The following CRIM1 variants were observed in gnomAD, a reference collection of about 807,000 sequenced individuals.
CRIM1 encodes cysteine rich transmembrane BMP regulator 1.
In CRIM1, 32 loss-of-function variants were observed where a neutral mutation model predicts 116.4. The ratio of observed to expected loss-of-function variants is 0.27; its 90% CI spans 0.21 to 0.37. CRIM1 has a LOEUF of 0.37. Among genes scored for constraint, CRIM1 ranks in the 10% least tolerant of loss-of-function variants. The pLI is 1.00. For synonymous variants in CRIM1, 590 were observed against 509.2 expected (o/e 1.16, Z -2.13); for missense variants, 1,331 against 1,354.8 (o/e 0.98, Z 0.28).
At chr2:36,409,837 C>T (rs1311227693) in intron 2 of CRIM1, among the ~76,000 whole-genome samples, 2 of 152,130 alleles carry the variant, frequency 1.3e-5, no homozygotes, top group Non-Finnish European at 2.9e-5. Context: ...AAGAAGCATT[C>T]TAATAATAAA....
intron 4 of CRIM1, among the ~76,000 whole-genome samples, chr2:36,446,834 A>T (rs1676279323): frequency 6.6e-6 from 1 of 152,212 alleles, no homozygotes; most frequent in Admixed American, 6.5e-5. Flanking sequence ...AAAAGGGAAA[A>T]TGGGACTGTC....
chr2:36,510,068 C>G lies in CRIM1; in HGVS notation c.1587C>G (p.Ile529Met), dbSNP rs79366315. 3.2e-4 allele frequency: 511 copies of G among 1,614,196 alleles called. 1 individual carries two copies. In the African/African-American group the frequency reaches 6.2e-3, roughly 20 times the overall value. Reference sequence around the variant, plus strand: ...TTACTGATGCCCAAAACTGTGAGATCTGTGAGTGCCGCCCAAGGCCCAAGA... The same window carrying G: ...TTACTGATGCCCAAAACTGTGAGATGTGTGAGTGCCGCCCAAGGCCCAAGA... ...GFLTDAQNCE[I>M]CECRPRPKKC... Residue 529 changes from isoleucine to methionine, a missense_variant, in exon 9 of 17, where the codon ATC (isoleucine) becomes ATG (methionine). By Grantham distance (10) the Ile-to-Met change is conservative. Coordinates refer to ENST00000280527, the MANE Select transcript of CRIM1 (RefSeq NM_016441.3).
intron 2 of CRIM1, among the ~76,000 whole-genome samples, chr2:36,412,364 A>C: frequency 6.6e-6 from 1 of 152,162 alleles, no homozygotes; most frequent in Non-Finnish European, 1.5e-5. Context: ...TCTGCGTTTA[A>C]CCCATTCTTG....
intron 13 of CRIM1, among the ~76,000 whole-genome samples, chr2:36,535,949 A>G (rs1666516747): frequency 6.6e-6 from 1 of 152,228 alleles, no homozygotes; most frequent in South Asian, 2.1e-4. Flanking sequence ...GCTGTTTTAT[A>G]TTAGGGACTT....
chr2:36,394,932 A>G (rs10203010), intron 1 of CRIM1, among the ~76,000 whole-genome samples: 111,509 of 151,484 alleles, frequency 0.74, 42,048 homozygotes, highest in East Asian at 0.99. Flanking sequence ...GCAGACTTTT[A>G]CTTCACTTAC....
chr2:36,472,755 C>T (rs926578030), intron 5 of CRIM1, among the ~76,000 whole-genome samples: 3 of 151,982 alleles, frequency 2.0e-5, no homozygotes, highest in African/African-American at 4.8e-5. Context: ...TGTTAGAGTA[C>T]AGTATTTTGC....
At position 36,479,608 on chromosome 2, in the gene CRIM1, G is replaced by A; in HGVS notation, c.1286G>A (p.Gly429Asp). The A allele has an allele frequency of 6.2e-7, 1 of 1,614,220 alleles. No homozygotes were observed. The highest frequency in any genetic ancestry group is 1.1e-5 in the South Asian group (1 of 91,088). Reference protein sequence around the residue: ...DDCTFCQCVNGERHCVATVCG... With the variant: ...DDCTFCQCVNDERHCVATVCG... ...TGCACATTCTGCCAGTGCGTCAACG[G>A]TGAACGCCACTGCGTTGCGACCGTC... is the stretch of plus-strand genomic sequence containing the variant. Residue 429 changes from glycine (G) to aspartate (D), a missense_variant, in exon 7 of 17, where the codon GGT becomes GAT. Physicochemically the swap from Gly to Asp is moderately conservative, Grantham distance 94 (BLOSUM62 -1). Around this residue, in one of 3 missense-constraint regions of CRIM1, gnomAD observed 690 missense variants for 676.0 expected, o/e 1.02. Transcript: ENST00000280527.
At chr2:36,378,363 G>T (rs775559371) in intron 1 of CRIM1, 3 of 470,986 alleles carry the variant, frequency 6.4e-6, no homozygotes, top group Middle Eastern at 3.2e-4. Flanking sequence ...CTAGCTGCGG[G>T]GTATTGAATT....
intron 1 of CRIM1, among the ~76,000 whole-genome samples, chr2:36,386,591 C>T (rs1175299255): frequency 6.6e-6 from 1 of 152,226 alleles, no homozygotes; most frequent in Non-Finnish European, 1.5e-5. Flanking sequence ...TCCTCTCTAT[C>T]CCTATTTATT....
chr2:36,507,099 A>G (rs531895582), intron 8 of CRIM1, among the ~76,000 whole-genome samples: 7 of 152,212 alleles, frequency 4.6e-5, no homozygotes, highest in South Asian at 2.1e-4. Flanking sequence ...GCCTCAAGCA[A>G]TTCTCCCACC....
At chr2:36,374,973 C>T (rs1670213098) in intron 1 of CRIM1, among the ~76,000 whole-genome samples, 1 of 151,562 alleles carries the variant, frequency 6.6e-6, no homozygotes, top group South Asian at 2.1e-4. Context: ...GCCAGCTCTC[C>T]AGGTAGAGAC....
At chr2:36,509,849 A>G (rs1385809095) in intron 8 of CRIM1, 134 bp from the exon 9 acceptor site, 3 of 721,942 alleles carry the variant, frequency 4.2e-6, no homozygotes, top group East Asian at 5.1e-5. Context: ...CTTTTTAATG[A>G]TAACCAGTGC....
At chr2:36,477,723 C>T (rs994693145) in intron 6 of CRIM1, among the ~76,000 whole-genome samples, 2 of 152,214 alleles carry the variant, frequency 1.3e-5, no homozygotes, top group Non-Finnish European at 2.9e-5. Context: ...GTTCCTTCAA[C>T]AGGCTGCATC....
intron 8 of CRIM1, among the ~76,000 whole-genome samples, chr2:36,503,696 A>G (rs1343529676): frequency 6.6e-6 from 1 of 152,136 alleles, no homozygotes; most frequent in Non-Finnish European, 1.5e-5. Flanking sequence ...CTTATAGCCA[A>G]CTATGGAATA....
intron 1 of CRIM1, among the ~76,000 whole-genome samples, chr2:36,366,449 C>T (rs1013297048): frequency 1.3e-5 from 2 of 151,790 alleles, no homozygotes; most frequent in African/African-American, 4.8e-5. Context: ...AGGGTGTTAC[C>T]ATTTTGTATT....
intron 13 of CRIM1, among the ~76,000 whole-genome samples, chr2:36,535,172 G>C (rs1666451746): frequency 7.4e-6 from 1 of 135,030 alleles, no homozygotes; most frequent in Non-Finnish European, 1.6e-5. Flanking sequence ...AAGGAGGACA[G>C]GAGGGAGGGA....
At chr2:36,513,447 T>C in intron 10 of CRIM1, 109 bp from the exon 11 acceptor site, 2 of 796,496 alleles carry the variant, frequency 2.5e-6, no homozygotes, top group South Asian at 3.0e-5. Flanking sequence ...AACTGTCCTG[T>C]GTTAGACGTA....
intron 1 of CRIM1, among the ~76,000 whole-genome samples, chr2:36,389,115 A>T (rs1239547180): frequency 2.0e-5 from 3 of 150,814 alleles, no homozygotes; most frequent in Non-Finnish European, 4.4e-5. Flanking sequence ...CACTTTGTGG[A>T]AATGTCTGTA....
chr2:36,478,538 G>T (rs907783066), intron 6 of CRIM1, among the ~76,000 whole-genome samples: 1 of 152,152 alleles, frequency 6.6e-6, no homozygotes, highest in Non-Finnish European at 1.5e-5. Context: ...TCTTGCTCAG[G>T]TCCATTGGCC....
Sources: allele counts gnomAD v4.1 joint callset (sites outside exome capture counted in the v4.1 genomes callset), GRCh38; gene constraint gnomAD v4.1.1; regional missense constraint gnomAD v4.1.1; transcripts MANE v1.5; gene names NCBI Gene and HGNC (gene_info 2026-07-23, HGNC 2026-07-21).